Variants in SBK1 observed in about 807,000 individuals in gnomAD.
SBK1 encodes serine/threonine-protein kinase SBK1.
A neutral mutation model predicts 24.4 loss-of-function variants in SBK1; 11 were observed. The observed-to-expected ratio is 0.45, with a 90% CI of 0.28 to 0.75. SBK1 has a LOEUF of 0.75. Among genes scored for constraint, SBK1 ranks in the 30% least tolerant of loss-of-function variants. SBK1 has a pLI of 0.12. For synonymous variants in SBK1, 308 were observed against 284.4 expected, an observed-to-expected ratio of 1.08 and a Z score of -0.83; for missense variants, 467 against 620.5, an observed-to-expected ratio of 0.75 and a Z score of 2.63.
At chr16:28,272,044 C>T (rs1348625762) in intron 1 of SBK1, among the ~76,000 whole-genome samples, 3 of 152,104 alleles carry the variant, frequency 2.0e-5, no homozygotes, top group African/African-American at 7.2e-5. Context: ...AATTTGTCCT[C>T]CTAACATATT....
At chr16:28,287,185 C>T (rs993021873) in intron 1 of SBK1, 1 of 147,960 alleles carries the variant, frequency 6.8e-6, no homozygotes, top group East Asian at 2.0e-4. Context: ...TCACGCCTGT[C>T]ATCCCAGCAC....
In SBK1 at chr16:28,320,144, C is replaced by T. The variant is rs747530490; in HGVS notation, c.498C>T (p.His166=). 1.1e-5 allele frequency: 18 copies of T among 1,579,008 alleles called. No homozygotes were observed. Among genetic ancestry groups the T allele is most frequent in the Admixed American group, 1.8e-5 (1 of 56,952 alleles). Residue 166 remains histidine (H), a synonymous_variant, in exon 4 of 4, where the codon CAC becomes CAT. Coordinates refer to ENST00000341901, the MANE Select transcript of SBK1 (RefSeq NM_001024401.3). The surrounding 1 kb of genome is among the most constrained non-coding windows in gnomAD (Gnocchi z 8.5). ...QQLGLALDFM[H]GRQLVHRDIK... The stretch of plus-strand genomic sequence containing the variant: ...TGGGCCTGGCGCTGGACTTCATGCA[C>T]GGGCGGCAGCTGGTGCACCGCGACA...
intron 1 of SBK1, among the ~76,000 whole-genome samples, chr16:28,262,592 A>G (rs2044404254): frequency 6.6e-6 from 1 of 152,196 alleles, no homozygotes. Flanking sequence ...AGACAAAAAC[A>G]ACACACGCTC....
rs577138837 is a variant in SBK1, at chr16:28,314,120, CTGTTGT to C, written c.-7-3252_-7-3247del. On this transcript the variant is annotated intron_variant, in intron 1 of 3. Coordinates refer to ENST00000341901, the MANE Select transcript of SBK1 (RefSeq NM_001024401.3). ...CGCAAGAACGCATCGGGAGAAGGCA[CTGTTGT>C]TGTTGTTGTTGTCGTTATTATTGTT... Among the ~76,000 whole-genome samples the C allele has an allele frequency of 4.7e-5, 7 of 147,750 alleles. No homozygotes were observed. In the South Asian group the frequency reaches 1.6e-3, roughly 34 times the overall value.
At chr16:28,307,649 A>T (rs1365678173) in intron 1 of SBK1, among the ~76,000 whole-genome samples, 2 of 151,022 alleles carry the variant, frequency 1.3e-5, no homozygotes, top group Non-Finnish European at 2.9e-5. Flanking sequence ...CTGAGGCAGG[A>T]GAATCGCTTG....
In SBK1 at chr16:28,293,065, C is replaced by T. The variant is rs1276463037; in HGVS notation, c.-243C>T. The T allele has an allele frequency of 9.1e-6, 9 of 985,688 alleles. No individual in the cohort carries two copies. The highest frequency in any genetic ancestry group is 1.1e-5 in the Non-Finnish European group (9 of 830,142). The allele number at this position is 985,688 out of a possible 1,614,324, so 61.1% of individuals were successfully genotyped here. ...CAGGGGATCCCAATTCCCCCCAACT[C>T]CGGTACATAGAAATCCCAAATCTAG... On this transcript the variant is annotated 5_prime_UTR_variant, in exon 1 of 4. Coordinates refer to ENST00000341901, the MANE Select transcript of SBK1 (RefSeq NM_001024401.3).
chr16:28,284,401 CCTG>C (rs1165407081), intron 1 of SBK1, among the ~76,000 whole-genome samples: 2 of 152,236 alleles, frequency 1.3e-5, no homozygotes, highest in Non-Finnish European at 2.9e-5. Context: ...GGGGATGCCC[CCTG>C]CTCCCCCAGC....
intron 1 of SBK1, among the ~76,000 whole-genome samples, chr16:28,313,045 G>A (rs1203992889): frequency 2.0e-5 from 3 of 152,182 alleles, no homozygotes; most frequent in East Asian, 1.9e-4. Flanking sequence ...CAAAAGAATC[G>A]CTTGAACCCA....
chr16:28,313,464 G>A (rs998764037), intron 1 of SBK1, among the ~76,000 whole-genome samples: 1 of 151,928 alleles, frequency 6.6e-6, no homozygotes, highest in Non-Finnish European at 1.5e-5. Context: ...AGGTGTGGTG[G>A]CGTACACCTT....
intron 1 of SBK1, among the ~76,000 whole-genome samples, chr16:28,261,073 G>T (rs538743747): frequency 6.6e-6 from 1 of 152,118 alleles, no homozygotes; most frequent in Admixed American, 6.5e-5. Flanking sequence ...TGGACGCTGA[G>T]CCGGGGACCT....
At chr16:28,263,447 G>A (rs1245041850) in intron 1 of SBK1, among the ~76,000 whole-genome samples, 2 of 152,206 alleles carry the variant, frequency 1.3e-5, no homozygotes, top group Non-Finnish European at 2.9e-5. Flanking sequence ...GCCAGCAGTG[G>A]GGAGACGGGT....
intron 2 of SBK1, 31 bp from the exon 3 acceptor site, chr16:28,318,964 G>T (rs1261090928): frequency 6.3e-7 from 1 of 1,574,930 alleles, no homozygotes; most frequent in Admixed American, 1.7e-5. Flanking sequence ...GGGAGAGGGG[G>T]CTTCAACCCT....
At chr16:28,287,890 C>T (rs1447435144), upstream of SBK1, among the ~76,000 whole-genome samples, 1 of 152,156 alleles carries the variant, frequency 6.6e-6, no homozygotes, top group Non-Finnish European at 1.5e-5. Context: ...GTCTTGAACT[C>T]CCAAACTCAG....
chr16:28,279,849 G>A (rs903516039), intron 1 of SBK1, among the ~76,000 whole-genome samples: 2 of 151,966 alleles, frequency 1.3e-5, no homozygotes, highest in African/African-American at 4.8e-5. Context: ...CTTCCAGCAG[G>A]GACAGCGGGT....
chr16:28,313,745 A>G (rs2044770729), intron 1 of SBK1, among the ~76,000 whole-genome samples: 1 of 151,956 alleles, frequency 6.6e-6, no homozygotes, highest in Non-Finnish European at 1.5e-5. Context: ...AGGACGGTGC[A>G]GATGGAGCTC....
chr16:28,285,225 C>A (rs141997734), intron 1 of SBK1: 1,686 of 152,262 alleles, frequency 0.011, 14 homozygotes, highest in South Asian at 0.033. Flanking sequence ...AGGTGTGAGC[C>A]ACAGCACCTG....
At chr16:28,287,655 T>G (rs960161115), upstream of SBK1, among the ~76,000 whole-genome samples, 7 of 150,034 alleles carry the variant, frequency 4.7e-5, no homozygotes, top group Admixed American at 3.3e-4. Context: ...TGTTTGTTTG[T>G]TTTTGGTTTT....
chr16:28,259,505 C>T lies in SBK1; in HGVS notation c.257+3C>T, dbSNP rs914266489. The T allele has an allele frequency of 1.2e-5, 12 of 978,452 alleles. No individual in the cohort carries two copies. In the African/African-American group the frequency reaches 1.6e-4, roughly 13 times the overall value. The allele number at this position is 978,452 out of a possible 1,614,324, so 60.6% of individuals were successfully genotyped here. A position where few individuals can be genotyped will look rare whatever the true frequency, so the allele number is the denominator to read the frequency against. On this transcript the variant is annotated splice_donor_region_variant and intron_variant, in intron 1 of 3. Coordinates refer to the SBK1 transcript ENST00000671413. This position sits in a 1 kb window ranked among gnomAD's most constrained non-coding sequence, Gnocchi z 6.0. ...CTGGAAGAAGTCCCATTGCGGAGGT[C>T]AGTGCTCGTGGGTGGCCAGTGGGTG... is the stretch of plus-strand genomic sequence containing the variant.
At position 28,320,682 on chromosome 16, in the gene SBK1, G is replaced by A; in HGVS notation, c.1036G>A (p.Glu346Lys). Reference sequence around the variant, plus strand: ...GCCCGCCGCCGGGCCACTGCGCCTCGAGGCGCCTGGGCCGCTCAAGCGGAC... The same window carrying A: ...GCCCGCCGCCGGGCCACTGCGCCTCAAGGCGCCTGGGCCGCTCAAGCGGAC... ...RPPAAGPLRL[E>K]APGPLKRTVL... The change falls in exon 4 of 4, where the codon GAG becomes AAG. Residue 346 changes from glutamate to lysine, a missense_variant. This residue lies in a region of SBK1 where 166 missense variants were observed against 146.8 expected (regional missense o/e 1.13). Coordinates refer to ENST00000341901, the MANE Select transcript of SBK1 (RefSeq NM_001024401.3). The surrounding 1 kb of genome is among the most constrained non-coding windows in gnomAD (Gnocchi z 8.5). 4 of 1,078,678 alleles carry A rather than the reference G, an allele frequency of 3.7e-6. No individual in the cohort carries two copies. The highest frequency in any genetic ancestry group is 4.5e-6 in the Non-Finnish European group (4 of 889,980). 66.8% of individuals were successfully genotyped at this position (1,078,678 alleles called of 1,614,324 possible).
Sources: gnomAD v4.1 joint callset for allele counts (sites outside exome capture counted in the v4.1 genomes callset) on GRCh38, gnomAD v4.1.1 for gene constraint, gnomAD v4.1.1 regional missense constraint, Gnocchi (gnomAD v3.1) non-coding constraint, MANE v1.5 for transcripts, NCBI Gene and HGNC (gene_info 2026-07-23, HGNC 2026-07-21) for gene names.